DNAH8: variants seen among roughly 807,000 people sequenced by gnomAD.
DNAH8 encodes axonemal beta dynein heavy chain 8.
In DNAH8, 382 loss-of-function variants were observed where a neutral mutation model predicts 562.1. That is an observed-to-expected ratio of 0.68 (90% CI 0.63 to 0.74). The LOEUF is 0.74. DNAH8 is among the 30% of genes least tolerant of loss of function. The pLI, the probability that DNAH8 is intolerant of heterozygous loss-of-function variation, is 0.00. For synonymous variants in DNAH8, 1,881 were observed against 1,919.4 expected (o/e 0.98, Z 0.52); for missense variants, 5,203 against 5,620.4 (o/e 0.93, Z 2.37).
intron 9 of DNAH8, among the ~76,000 whole-genome samples, chr6:38,751,103 G>GCTA (rs1489835602): frequency 6.6e-6 from 1 of 152,196 alleles, no homozygotes; most frequent in Non-Finnish European, 1.5e-5. Flanking sequence ...GCAAGGCATA[G>GCTA]CTAAGAGCTT....
At chr6:38,984,497 A>ACAC in intron 87 of DNAH8, 190 bp downstream of exon 87, 1 of 539,284 alleles carries the variant, frequency 1.9e-6, no homozygotes, top group East Asian at 3.4e-5. Context: ...CACACACACA[A>ACAC]CAACCAGCAA....
At chr6:38,913,800 A>C (rs1161408626) in intron 66 of DNAH8, 49 bp from the exon 67 acceptor site, 1 of 1,233,792 alleles carries the variant, frequency 8.1e-7, no homozygotes, top group East Asian at 2.4e-5. Flanking sequence ...TATTTGATGA[A>C]GGCATATACC....
Position 39,026,673 on chromosome 6 carries a change from C to T in DNAH8, c.13836+6C>T, listed in dbSNP as rs750969989. 5.0e-6 allele frequency: 8 copies of T among 1,612,348 alleles called. No homozygotes were observed. Among genetic ancestry groups the T allele is most frequent in the South Asian group, 1.1e-5 (1 of 90,952 alleles). ...AGATCACGTCACCCCCTGGGGTAGG[C>T]GTTGCTGGGCAATAGCAGGGACCAT... On this transcript the variant is annotated splice_donor_region_variant and intron_variant, in intron 92 of 92. Coordinates refer to ENST00000327475, the MANE Select transcript of DNAH8 (RefSeq NM_001206927.2).
Position 38,909,737 on chromosome 6 carries a change from T to C in DNAH8, c.9733T>C (p.Phe3245Leu). Residue 3245 changes from phenylalanine (F) to leucine (L), a missense_variant, in exon 65 of 93, where the codon TTC becomes CTC. Transcript: ENST00000327475. ...GGTTTCAGAGAGCTGTGAAAGTTAT[T>C]TCCAAAGGTAAGTGATATTACATAA... The part of the protein sequence containing the change: ...DMVSESCESY[F>L]QRYRRRAHVT... The C allele has an allele frequency of 6.2e-7, 1 of 1,613,660 alleles. No homozygotes were observed. Among genetic ancestry groups the C allele is most frequent in the Non-Finnish European group, 8.5e-7 (1 of 1,179,608 alleles).
chr6:38,844,052 C>T (rs1173192425), intron 35 of DNAH8, among the ~76,000 whole-genome samples: 1 of 152,086 alleles, frequency 6.6e-6, no homozygotes, highest in Non-Finnish European at 1.5e-5. Context: ...TCCCCCAGGT[C>T]CACAGTTCCA....
At chr6:39,001,184 A>G (rs879506135) in intron 88 of DNAH8, among the ~76,000 whole-genome samples, 1 of 152,058 alleles carries the variant, frequency 6.6e-6, no homozygotes, top group Non-Finnish European at 1.5e-5. Flanking sequence ...AAATTGGAAT[A>G]CGGTTATTTA....
intron 53 of DNAH8, among the ~76,000 whole-genome samples, chr6:38,882,655 C>T (rs988282874): frequency 6.6e-5 from 10 of 152,120 alleles, no homozygotes; most frequent in Non-Finnish European, 1.5e-4. Flanking sequence ...CGACAAACCC[C>T]TGTATATCTA....
In DNAH8 at chr6:38,766,135, T is replaced by TTGTGTGTGTGTGTGTGTGTGTGTG. The variant is rs774448668; in HGVS notation, c.1618-4275_1618-4274insGTGTGTGTGTGTGTGTGTGTGTGT. Among the ~76,000 whole-genome samples the TTGTGTGTGTGTGTGTGTGTGTGTG allele has an allele frequency of 4.3e-3, 550 of 128,990 alleles. 2 individuals carry two copies. Among genetic ancestry groups the TTGTGTGTGTGTGTGTGTGTGTGTG allele is most frequent in the Middle Eastern group, 0.015 (4 of 270 alleles). The allele number at this position is 128,990 out of a possible 152,430, so 84.6% of individuals were successfully genotyped here. A position where few individuals can be genotyped will look rare whatever the true frequency, so the allele number is the denominator to read the frequency against. ...GGTATGTATGTATATATGTATGTGT[T>TTGTGTGTGTGTGTGTGTGTGTGTG]TGTATGTGTGTGTGTGTGTGTTTGT... On this transcript the variant is annotated intron_variant, in intron 11 of 92. Transcript: ENST00000327475.
intron 30 of DNAH8, among the ~76,000 whole-genome samples, chr6:38,829,066 A>G (rs1301849652): frequency 6.6e-6 from 1 of 152,130 alleles, no homozygotes; most frequent in Admixed American, 6.5e-5. Context: ...CGAGGACTTC[A>G]TTTTCCTAAT....
intron 77 of DNAH8, 131 bp downstream of exon 77, chr6:38,935,828 A>T: frequency 3.3e-6 from 2 of 614,012 alleles, no homozygotes; most frequent in Non-Finnish European, 5.4e-6. Context: ...AAGCAAGGCA[A>T]TTTCCATCTA....
At chr6:38,818,944 A>G (rs2150328374) in intron 26 of DNAH8, among the ~76,000 whole-genome samples, 1 of 152,334 alleles carries the variant, frequency 6.6e-6, no homozygotes, top group Non-Finnish European at 1.5e-5. Context: ...ATAAGGAAAT[A>G]GAGATTAGCT....
chr6:38,889,324 T>A (rs1366753775), intron 57 of DNAH8, among the ~76,000 whole-genome samples: 4 of 152,140 alleles, frequency 2.6e-5, no homozygotes, highest in Non-Finnish European at 5.9e-5. Context: ...TTTTTTTTTT[T>A]ACCAGTTCAG....
intron 82 of DNAH8, among the ~76,000 whole-genome samples, chr6:38,951,766 G>C (rs1012814156): frequency 6.6e-6 from 1 of 151,842 alleles, no homozygotes; most frequent in African/African-American, 2.4e-5. Flanking sequence ...TGTGTTTTAA[G>C]TTCTAAGGAG....
In DNAH8 at chr6:38,851,554, T is replaced by A. The variant is rs1381425771; in HGVS notation, c.5364-18T>A. 3 of 1,524,404 alleles carry A rather than the reference T, an allele frequency of 2.0e-6. No homozygotes were observed. The highest frequency in any genetic ancestry group is 9.0e-7 in the Non-Finnish European group (1 of 1,112,002). The allele number at this position is 1,524,404 out of a possible 1,614,324, so 94.4% of individuals were successfully genotyped here. On this transcript the variant is annotated intron_variant, in intron 38 of 92. Transcript: ENST00000327475. ...GAAAAAAAACCACTTGGTAACATAC[T>A]GTCGACTTTATTTGAAGGTATTTGG...
chr6:38,721,065 A>C (rs2127562040), intron 1 of DNAH8, among the ~76,000 whole-genome samples: 1 of 152,340 alleles, frequency 6.6e-6, no homozygotes, highest in Non-Finnish European at 1.5e-5. Context: ...GAACAAACTT[A>C]TAGAAAATTA....
intron 87 of DNAH8, 29 bp from the exon 88 acceptor site, chr6:38,989,983 T>G: frequency 7.0e-7 from 1 of 1,422,710 alleles, no homozygotes; most frequent in Admixed American, 2.1e-5. Context: ...CTCATCAATT[T>G]TATTTCTTTT....
At chr6:38,836,133 G>A (rs1678733) in intron 32 of DNAH8, among the ~76,000 whole-genome samples, 31,357 of 152,100 alleles carry the variant, frequency 0.21, 3,979 homozygotes, top group African/African-American at 0.35. Flanking sequence ...ACTACTTATC[G>A]AAGGAGGGCA....
intron 36 of DNAH8, among the ~76,000 whole-genome samples, chr6:38,846,921 A>C (rs1280187734): frequency 1.3e-5 from 2 of 152,332 alleles, no homozygotes; most frequent in East Asian, 3.9e-4. Context: ...CCTGCCAGAA[A>C]GAGTATAAGG....
At chr6:38,920,220 T>C (rs2179564) in intron 70 of DNAH8, among the ~76,000 whole-genome samples, 111,244 of 152,022 alleles carry the variant, frequency 0.73, 41,395 homozygotes, top group East Asian at 0.86. Context: ...CTTAAGCAGT[T>C]CTCCTACCTC....
Sources: gnomAD v4.1 joint callset for allele counts (sites outside exome capture counted in the v4.1 genomes callset) on GRCh38, gnomAD v4.1.1 for gene constraint, MANE v1.5 for transcripts, NCBI Gene and HGNC (gene_info 2026-07-23, HGNC 2026-07-21) for gene names.